Variants in RPUSD3 observed in about 807,000 individuals in gnomAD.
The protein encoded by RPUSD3 is mitochondrial mRNA pseudouridine synthase RPUSD3.
A neutral mutation model predicts 35.1 loss-of-function variants in RPUSD3; 36 were observed. The observed-to-expected ratio is 1.02, with a 90% CI of 0.79 to 1.35. RPUSD3 has a LOEUF of 1.35. RPUSD3 is among the 40% of genes most tolerant of loss of function. The probability of loss-of-function intolerance (pLI) is 0.00; values close to 1 mark genes in which losing one functional copy is unlikely to be tolerated. For synonymous variants in RPUSD3, 202 were observed against 187.8 expected, an observed-to-expected ratio of 1.08 and a Z score of -0.62; for missense variants, 486 against 441.9, an observed-to-expected ratio of 1.10 and a Z score of -0.89.
rs368734671 is a variant in RPUSD3, at chr3:9,843,453, C to G, written c.262+12G>C. 1.9e-6 allele frequency: 3 copies of G among 1,613,698 alleles called. No individual in the cohort carries two copies. The highest frequency in any genetic ancestry group is 2.5e-6 in the Non-Finnish European group (3 of 1,179,760). On this transcript the variant is annotated intron_variant, in intron 2 of 8. Coordinates refer to ENST00000383820, the Ensembl canonical transcript of RPUSD3. ...TCCCGGTCCTTGTGCGGCCGTGCCTCTCACCCCTCACCTTTCCGGTCCACC... is the reference window on the plus strand; with the variant it reads ...TCCCGGTCCTTGTGCGGCCGTGCCTGTCACCCCTCACCTTTCCGGTCCACC...
At chr3:9,842,110 G>C (rs2082113301) in intron 3 of RPUSD3, 28 bp from the exon 4 acceptor site, 1 of 1,609,698 alleles carries the variant, frequency 6.2e-7, no homozygotes, top group Admixed American at 1.7e-5. Flanking sequence ...AAAATTACAA[G>C]AGGCCAAAGC....
chr3:9,838,272 A>C, intron 8 of RPUSD3, 65 bp from the exon 9 acceptor site: 1 of 1,534,120 alleles, frequency 6.5e-7, no homozygotes, highest in Non-Finnish European at 8.9e-7. Context: ...ACCCAGCTCT[A>C]AGGGAAATGG....
At chr3:9,843,955 A>C (rs774335476) in exon 1 of RPUSD3, 1 of 1,608,762 alleles carries the variant, frequency 6.2e-7, no homozygotes, top group Non-Finnish European at 8.5e-7. Context: ...GCCGCCAGCC[A>C]CTCCAGAACC....
chr3:9,841,954 C>A, intron 4 of RPUSD3, 29 bp downstream of exon 4: 1 of 1,589,470 alleles, frequency 6.3e-7, no homozygotes, highest in Non-Finnish European at 8.6e-7. Flanking sequence ...TGCCTGTACT[C>A]CTAGCTTCCT....
intron 2 of RPUSD3, 82 bp from the exon 3 acceptor site, chr3:9,842,325 C>T (rs2125026223): frequency 1.5e-6 from 2 of 1,350,938 alleles, no homozygotes; most frequent in Non-Finnish European, 2.1e-6. Flanking sequence ...AGCACTTTCT[C>T]ACGCATCTTA....
chr3:9,839,120 A>C (rs756824788), exon 8 of RPUSD3: 1 of 1,614,206 alleles, frequency 6.2e-7, no homozygotes, highest in Admixed American at 1.7e-5. Context: ...GTGGTCCCCA[A>C]GCACAGGGCA....
At chr3:9,842,152 C>T (rs528078095) in intron 3 of RPUSD3, 47 bp downstream of exon 3, 51 of 1,613,354 alleles carry the variant, frequency 3.2e-5, no homozygotes, top group African/African-American at 2.3e-4. Flanking sequence ...CCCTCAGTCA[C>T]GAAACCCCCT....
intron 8 of RPUSD3, among the ~76,000 whole-genome samples, chr3:9,838,704 G>A (rs1392574555): frequency 6.6e-6 from 1 of 152,216 alleles, no homozygotes; most frequent in African/African-American, 2.4e-5. Context: ...TGGGCTTAGT[G>A]TGTTAGAGCA....
At chr3:9,839,054 T>G in exon 8 of RPUSD3, 1 of 1,614,194 alleles carries the variant, frequency 6.2e-7, no homozygotes, top group Non-Finnish European at 8.5e-7. Context: ...CTTGTTGTTC[T>G]CAGCTGGCAG....
chr3:9,842,607 A>G, intron 2 of RPUSD3: 3 of 300,096 alleles, frequency 1.0e-5, no homozygotes, highest in Non-Finnish European at 1.9e-5. Flanking sequence ...TAACTTGTTC[A>G]TTTATTTTCT....
exon 9 of RPUSD3, chr3:9,837,916 G>T: frequency 7.7e-7 from 1 of 1,299,738 alleles, no homozygotes; most frequent in Non-Finnish European, 1.0e-6. Flanking sequence ...CACACAGCAA[G>T]CAAGTGGCCT....
exon 5 of RPUSD3, chr3:9,840,759 T>C (rs2082091721): frequency 5.6e-6 from 9 of 1,614,128 alleles, no homozygotes; most frequent in East Asian, 2.2e-5. Context: ...TGGAGGCGAC[T>C]AGCTGTCTGG....
At chr3:9,839,704 A>G (rs1270832062) in intron 7 of RPUSD3, 1 of 157,168 alleles carries the variant, frequency 6.4e-6, no homozygotes, top group African/African-American at 2.4e-5. Flanking sequence ...CAGCCTCCCA[A>G]GTAGCTAGGA....
In RPUSD3 at chr3:9,838,088, AG is replaced by A; in HGVS notation, c.983del (p.Pro328LeufsTer39). ...GGGGCAGTGGTGCCAGGAGCTCAAC[AG>A]GGGTGTCCCTGGCCCTGGTGCCTGG... is the stretch of plus-strand genomic sequence containing the variant. On this transcript the variant is annotated frameshift_variant, in exon 9 of 9. Coordinates refer to ENST00000383820, the Ensembl canonical transcript of RPUSD3. LOFTEE classifies it high-confidence loss of function. 1.2e-6 allele frequency: 2 copies of A among 1,612,216 alleles called. No homozygotes were observed. The highest frequency in any genetic ancestry group is 1.7e-6 in the Non-Finnish European group (2 of 1,179,540).
chr3:9,843,412 C>G, intron 2 of RPUSD3, 53 bp downstream of exon 2: 3 of 1,605,202 alleles, frequency 1.9e-6, no homozygotes, highest in Admixed American at 1.7e-5. Context: ...CCCAACTGCA[C>G]GCCGAGGCAG....
At chr3:9,841,078 G>C (rs2082096637) in intron 4 of RPUSD3, 1 of 264,948 alleles carries the variant, frequency 3.8e-6, no homozygotes, top group East Asian at 9.5e-5. Context: ...TAGAAATTCT[G>C]TACATATTAG....
chr3:9,840,322 A>G lies in RPUSD3; in HGVS notation c.601-15T>C. 1.9e-6 allele frequency: 3 copies of G among 1,614,158 alleles called. No homozygotes were observed. The highest frequency in any genetic ancestry group is 2.5e-6 in the Non-Finnish European group (3 of 1,180,010). On this transcript the variant is annotated splice_polypyrimidine_tract_variant and intron_variant, in intron 6 of 8. Coordinates refer to ENST00000383820, the Ensembl canonical transcript of RPUSD3. ...ACTGGAACTGTCTGTGGTGCCAGCCAAGAGTGAACAAGCCTTACACAGGTC... is the reference window on the plus strand; with the variant it reads ...ACTGGAACTGTCTGTGGTGCCAGCCGAGAGTGAACAAGCCTTACACAGGTC...
chr3:9,840,768 G>C, exon 5 of RPUSD3: 2 of 1,614,004 alleles, frequency 1.2e-6, no homozygotes, highest in Non-Finnish European at 1.7e-6. Flanking sequence ...CTAGCTGTCT[G>C]GGGACAGCTG....
intron 6 of RPUSD3, 28 bp downstream of exon 6, chr3:9,840,503 AC>A (rs1005577151): frequency 4.7e-5 from 75 of 1,610,054 alleles, no homozygotes; most frequent in Non-Finnish European, 6.0e-5. Context: ...ATCTAGAAGC[AC>A]CCCTCCTCTT....
Sources: allele counts gnomAD v4.1 joint callset (sites outside exome capture counted in the v4.1 genomes callset), GRCh38; gene constraint gnomAD v4.1.1; transcripts MANE v1.5; gene names NCBI Gene and HGNC (gene_info 2026-07-23, HGNC 2026-07-21).